The following PTPRM variants were observed in gnomAD, a reference collection of about 807,000 sequenced individuals.
The protein encoded by PTPRM is receptor-type tyrosine-protein phosphatase mu.
In PTPRM, 47 loss-of-function variants were observed where a neutral mutation model predicts 186.7. That is an observed-to-expected ratio of 0.25 (90% confidence interval 0.20 to 0.32). PTPRM has a LOEUF of 0.32. PTPRM is among the 10% of genes least tolerant of loss of function. The pLI is 1.00. For synonymous variants in PTPRM, 668 were observed against 674.9 expected (o/e 0.99, Z 0.16); for missense variants, 1,494 against 1,865.0 (o/e 0.80, Z 3.66).
At chr18:8,248,912 C>A (rs537747986) in intron 17 of PTPRM, among the ~76,000 whole-genome samples, 1 of 152,310 alleles carries the variant, frequency 6.6e-6, no homozygotes, top group South Asian at 2.1e-4. Flanking sequence ...CAGGGGGTTA[C>A]AGAAAAAGTC....
intron 7 of PTPRM, among the ~76,000 whole-genome samples, chr18:8,039,680 C>T (rs1241035902): frequency 6.6e-6 from 1 of 152,084 alleles, no homozygotes; most frequent in East Asian, 1.9e-4. Context: ...TACTTAAAAT[C>T]TACTCTCCCA....
chr18:8,206,037 A>G (rs1314523735), intron 14 of PTPRM, among the ~76,000 whole-genome samples: 2 of 152,118 alleles, frequency 1.3e-5, no homozygotes, highest in Admixed American at 1.3e-4. Flanking sequence ...GATTAATTTA[A>G]AATAAGGGAT....
At chr18:8,006,918 A>C (rs188381013) in intron 7 of PTPRM, among the ~76,000 whole-genome samples, 45 of 152,364 alleles carry the variant, frequency 3.0e-4, no homozygotes, top group African/African-American at 1.0e-3. Context: ...CAGTTAGATA[A>C]CAAATACATA....
At chr18:8,009,649 A>T (rs1376815252) in intron 7 of PTPRM, among the ~76,000 whole-genome samples, 1 of 152,138 alleles carries the variant, frequency 6.6e-6, no homozygotes, top group Non-Finnish European at 1.5e-5. Context: ...CGGAGGTCGC[A>T]GTGAGCCAAG....
intron 17 of PTPRM, 84 bp from the exon 18 acceptor site, chr18:8,252,404 T>G: frequency 9.0e-7 from 1 of 1,112,570 alleles, no homozygotes; most frequent in Non-Finnish European, 1.4e-6. Context: ...AAAAACTACC[T>G]GTAATTATGC....
intron 23 of PTPRM, among the ~76,000 whole-genome samples, chr18:8,363,757 A>ACC: frequency 6.6e-6 from 1 of 152,272 alleles, no homozygotes. Flanking sequence ...CTGCTTTCTG[A>ACC]TTAAGTTTTC....
intron 2 of PTPRM, among the ~76,000 whole-genome samples, chr18:7,807,488 C>A (rs2044292332): frequency 1.3e-5 from 2 of 152,202 alleles, no homozygotes; most frequent in South Asian, 4.1e-4. Flanking sequence ...CCAACCCCCA[C>A]CACCTCCCGC....
In PTPRM at chr18:8,204,771, CA is replaced by C. The variant is rs113768465; in HGVS notation, c.2301-39277del. On this transcript the variant is annotated intron_variant, in intron 14 of 32. Coordinates refer to ENST00000580170, the MANE Select transcript of PTPRM (RefSeq NM_001105244.2). ...TATATGGTAACTAAAAAAACAAAAA[CA>C]AAAAAAAAACAAAAACAAAAACCCT... 8.3e-5 allele frequency among the ~76,000 whole-genome samples: 12 copies of C among 145,126 alleles called. No individual in the cohort carries two copies. The South Asian group carries it at 1.1e-3, about 13-fold the overall frequency.
chr18:8,103,691 G>A (rs1015233966), intron 11 of PTPRM, among the ~76,000 whole-genome samples: 10 of 152,278 alleles, frequency 6.6e-5, no homozygotes, highest in Non-Finnish European at 1.0e-4. Flanking sequence ...CAATAAAGCC[G>A]TTTCACTTTC....
chr18:8,123,580 T>G (rs2092248077), intron 13 of PTPRM, among the ~76,000 whole-genome samples: 1 of 152,258 alleles, frequency 6.6e-6, no homozygotes, highest in South Asian at 2.1e-4. Flanking sequence ...GCCTGCAAGT[T>G]TCTTTTAAGA....
intron 14 of PTPRM, among the ~76,000 whole-genome samples, chr18:8,231,548 A>G (rs1274905791): frequency 6.6e-6 from 1 of 152,178 alleles, no homozygotes; most frequent in African/African-American, 2.4e-5. Flanking sequence ...TAAACATAAT[A>G]ACTTGCCAAG....
intron 1 of PTPRM, among the ~76,000 whole-genome samples, chr18:7,773,933 C>T (rs554249072): frequency 2.6e-5 from 4 of 152,034 alleles, no homozygotes; most frequent in Admixed American, 1.3e-4. Context: ...TGGAGAGCTG[C>T]GTAATACAGT....
chr18:7,735,435 G>GGAAA (rs1235039834), intron 1 of PTPRM, among the ~76,000 whole-genome samples: 1 of 151,130 alleles, frequency 6.6e-6, no homozygotes, highest in Non-Finnish European at 1.5e-5. Context: ...AAGCAAGCAA[G>GGAAA]CAAACAAACA....
chr18:7,999,378 A>G (rs1487297529), intron 7 of PTPRM, among the ~76,000 whole-genome samples: 6 of 152,150 alleles, frequency 3.9e-5, no homozygotes, highest in Admixed American at 1.3e-4. Context: ...AGAACCTGGT[A>G]TATAACCAGT....
chr18:8,357,362 G>A (rs992830890), intron 23 of PTPRM, among the ~76,000 whole-genome samples: 1 of 152,178 alleles, frequency 6.6e-6, no homozygotes, highest in Non-Finnish European at 1.5e-5. Flanking sequence ...TCTGACTACA[G>A]TAAACTAAGA....
At chr18:7,678,474 G>T (rs930705014) in intron 1 of PTPRM, among the ~76,000 whole-genome samples, 1 of 152,154 alleles carries the variant, frequency 6.6e-6, no homozygotes, top group Non-Finnish European at 1.5e-5. Context: ...GGGAGCACAG[G>T]CATTTTGTAC....
At chr18:7,622,900 C>T (rs1164870977) in intron 1 of PTPRM, among the ~76,000 whole-genome samples, 1 of 152,118 alleles carries the variant, frequency 6.6e-6, no homozygotes, top group Non-Finnish European at 1.5e-5. Flanking sequence ...CTTGTTGAAA[C>T]AAGCCAAAGT....
intron 14 of PTPRM, among the ~76,000 whole-genome samples, chr18:8,189,222 G>A (rs937908739): frequency 2.7e-5 from 4 of 150,408 alleles, no homozygotes; most frequent in African/African-American, 9.8e-5. Flanking sequence ...TAAGTCTGAG[G>A]CTGAGGCTTC....
At chr18:8,136,258 G>GT (rs2092636099) in intron 13 of PTPRM, among the ~76,000 whole-genome samples, 1 of 152,142 alleles carries the variant, frequency 6.6e-6, no homozygotes, top group Non-Finnish European at 1.5e-5. Context: ...ATTATTGACA[G>GT]TTTGTTTCCC....
Sources: gnomAD v4.1 joint callset for allele counts (sites outside exome capture counted in the v4.1 genomes callset) on GRCh38, gnomAD v4.1.1 for gene constraint, MANE v1.5 for transcripts, NCBI Gene and HGNC (gene_info 2026-07-23, HGNC 2026-07-21) for gene names.